CNTNAP2: variants seen among roughly 807,000 people sequenced by gnomAD.
The protein encoded by CNTNAP2 is contactin-associated protein-like 2.
Under a neutral mutation model 155.2 loss-of-function variants are expected in CNTNAP2, and 98 were observed. That is an observed-to-expected ratio of 0.63 (90% CI 0.54 to 0.75). CNTNAP2 has a LOEUF of 0.75. CNTNAP2 is among the 30% of genes least tolerant of loss of function. The probability of loss-of-function intolerance (pLI) is 0.00; values close to 1 mark genes in which losing one functional copy is unlikely to be tolerated. For synonymous variants in CNTNAP2, 651 were observed against 631.2 expected, an observed-to-expected ratio of 1.03 and a Z score of -0.47; for missense variants, 1,727 against 1,688.1, an observed-to-expected ratio of 1.02 and a Z score of -0.40.
chr7:147,249,072 C>T (rs1487383880), intron 8 of CNTNAP2, among the ~76,000 whole-genome samples: 5 of 152,242 alleles, frequency 3.3e-5, no homozygotes, highest in South Asian at 2.1e-4. Flanking sequence ...TGTACCCAAC[C>T]TAATTAGTTG....
At chr7:147,445,539 T>C (rs1299348523) in intron 10 of CNTNAP2, among the ~76,000 whole-genome samples, 1 of 152,222 alleles carries the variant, frequency 6.6e-6, no homozygotes, top group African/African-American at 2.4e-5. Flanking sequence ...TACTTAGCAC[T>C]GTTTTGAGGA....
intron 9 of CNTNAP2, among the ~76,000 whole-genome samples, chr7:147,307,415 T>TA (rs71526000): frequency 0.048 from 7,247 of 150,678 alleles, 185 homozygotes; most frequent in Non-Finnish European, 0.055. Flanking sequence ...CTATCTCTAC[T>TA]AAAAAAAACC....
At chr7:146,930,146 C>T (rs901457883) in intron 3 of CNTNAP2, among the ~76,000 whole-genome samples, 2 of 152,042 alleles carry the variant, frequency 1.3e-5, no homozygotes, top group Admixed American at 6.6e-5. Flanking sequence ...GTCAATTCAC[C>T]AAAGTTGAAA....
chr7:147,526,416 T>C (rs1799320980), intron 11 of CNTNAP2, among the ~76,000 whole-genome samples: 1 of 152,180 alleles, frequency 6.6e-6, no homozygotes, highest in African/African-American at 2.4e-5. Flanking sequence ...AAATATGCTA[T>C]AATCAGCCTG....
At chr7:146,396,538 CA>C (rs1162125598) in intron 1 of CNTNAP2, among the ~76,000 whole-genome samples, 1 of 151,526 alleles carries the variant, frequency 6.6e-6, no homozygotes, top group Non-Finnish European at 1.5e-5. Flanking sequence ...AAAAAATGAA[CA>C]TTTTTTTCTG....
chr7:146,836,466 C>T (rs536478092), intron 2 of CNTNAP2, among the ~76,000 whole-genome samples: 2 of 152,242 alleles, frequency 1.3e-5, no homozygotes, highest in East Asian at 3.9e-4. Context: ...AAAATGTTTG[C>T]TGACCCTTGA....
At chr7:146,689,749 C>A (rs1474787292) in intron 1 of CNTNAP2, among the ~76,000 whole-genome samples, 1 of 152,084 alleles carries the variant, frequency 6.6e-6, no homozygotes, top group Non-Finnish European at 1.5e-5. Context: ...TATTTGGTTT[C>A]TTCAGGGAAT....
Position 147,221,929 on chromosome 7 carries a change from G to A in CNTNAP2, c.1349-78212G>A, listed in dbSNP as rs1400140573. On this transcript the variant is annotated intron_variant, in intron 8 of 23. Coordinates refer to ENST00000361727, the MANE Select transcript of CNTNAP2 (RefSeq NM_014141.6). Reference sequence around the variant, plus strand: ...ACTCTACTCTTTTCTTGCTTGCATGGTTTCTGAGAAGAAGTCAGATGTAAT... The same window carrying A: ...ACTCTACTCTTTTCTTGCTTGCATGATTTCTGAGAAGAAGTCAGATGTAAT... 2.6e-5 allele frequency among the ~76,000 whole-genome samples: 4 copies of A among 152,220 alleles called. No individual in the cohort carries two copies. The East Asian group carries it at 5.8e-4, about 22-fold the overall frequency.
chr7:148,152,845 C>G (rs1805323874), intron 17 of CNTNAP2, among the ~76,000 whole-genome samples: 1 of 151,764 alleles, frequency 6.6e-6, no homozygotes, highest in Admixed American at 6.6e-5. Context: ...ACGGTGAAAC[C>G]CCGTCTCTAC....
intron 20 of CNTNAP2, among the ~76,000 whole-genome samples, chr7:148,264,055 A>T (rs1169008260): frequency 6.6e-6 from 1 of 150,868 alleles, no homozygotes. Context: ...AATGTCAATT[A>T]TCAAGATCCC....
intron 15 of CNTNAP2, among the ~76,000 whole-genome samples, chr7:148,117,894 T>C (rs1175344676): frequency 6.6e-6 from 1 of 150,994 alleles, no homozygotes; most frequent in Non-Finnish European, 1.5e-5. Context: ...ATATTAATAC[T>C]TTAAATATCT....
chr7:148,283,239 CAA>C (rs1199411040), intron 21 of CNTNAP2, among the ~76,000 whole-genome samples: 11,925 of 27,886 alleles, frequency 0.43, 1,793 homozygotes, highest in African/African-American at 0.46. Context: ...AACTCTGTCT[CAA>C]AAAAAAAAAA....
chr7:148,298,504 A>G (rs983625336), intron 21 of CNTNAP2, among the ~76,000 whole-genome samples: 1 of 152,176 alleles, frequency 6.6e-6, no homozygotes, highest in Admixed American at 6.5e-5. Flanking sequence ...GCAGCTGATT[A>G]GATGGTGCCC....
At chr7:148,001,445 C>T (rs1801895488) in intron 15 of CNTNAP2, among the ~76,000 whole-genome samples, 2 of 152,206 alleles carry the variant, frequency 1.3e-5, no homozygotes, top group African/African-American at 4.8e-5. Flanking sequence ...TTGCAGATAG[C>T]ACTTTCACTG....
rs563414260 is a variant in CNTNAP2, at chr7:148,229,758, C to T, written c.3360C>T (p.His1120=). The stretch of plus-strand genomic sequence containing the variant: ...CCCACAGTGTCAACATCACCCGCCA[C>T]GAGAAGACCATCTTTCTCAAGGTAT... ...GQPHSVNITR[H]EKTIFLKLDH... Residue 1120 remains histidine (H), a synonymous_variant, in exon 20 of 24, where the codon CAC becomes CAT. Transcript: ENST00000361727. 4.2e-5 allele frequency: 67 copies of T among 1,613,928 alleles called. No individual in the cohort carries two copies. Among genetic ancestry groups the T allele is most frequent in the South Asian group, 6.6e-5 (6 of 91,074 alleles).
In CNTNAP2 at chr7:146,795,694, G is replaced by A. The variant is rs185243923; in HGVS notation, c.208+21313G>A. Among the ~76,000 whole-genome samples the A allele has an allele frequency of 2.0e-3, 310 of 152,286 alleles. 2 individuals carry two copies. The highest frequency in any genetic ancestry group is 0.014 in the Middle Eastern group (4 of 294). ...TGTTCAGGCAAGATGGGTTCTGGCA[G>A]CCTGAGGGTTGTCCGCAGACAAAAT... On this transcript the variant is annotated intron_variant, in intron 2 of 23. Transcript: ENST00000361727.
chr7:146,396,514 A>T (rs138463490), intron 1 of CNTNAP2, among the ~76,000 whole-genome samples: 1 of 152,110 alleles, frequency 6.6e-6, no homozygotes, highest in East Asian at 1.9e-4. Context: ...AGTTTACTTG[A>T]TTTGGCAATT....
chr7:148,100,782 A>G (rs986704419), intron 15 of CNTNAP2, among the ~76,000 whole-genome samples: 2 of 152,178 alleles, frequency 1.3e-5, no homozygotes, highest in Admixed American at 1.3e-4. Context: ...ATAAACATTT[A>G]TATACCCAAA....
intron 1 of CNTNAP2, among the ~76,000 whole-genome samples, chr7:146,647,211 C>G (rs757095765): frequency 3.9e-5 from 6 of 152,160 alleles, no homozygotes; most frequent in Non-Finnish European, 7.3e-5. Flanking sequence ...AATTGGCTCC[C>G]TCGCTGTTTG....
Sources: allele counts gnomAD v4.1 joint callset (sites outside exome capture counted in the v4.1 genomes callset), GRCh38; gene constraint gnomAD v4.1.1; transcripts MANE v1.5; gene names NCBI Gene and HGNC (gene_info 2026-07-23, HGNC 2026-07-21).